Variants in SHROOM3 observed in about 807,000 individuals in gnomAD.
The protein encoded by SHROOM3 is protein Shroom3.
Under a neutral mutation model 138.6 loss-of-function variants are expected in SHROOM3, and 47 were observed. The observed-to-expected ratio is 0.34, with a 90% confidence interval of 0.27 to 0.43. SHROOM3 has a LOEUF of 0.43. Among genes scored for constraint, SHROOM3 ranks in the 20% least tolerant of loss-of-function variants. The pLI is 1.00. For synonymous variants in SHROOM3, 1,062 were observed against 1,063.3 expected, an observed-to-expected ratio of 1.00 and a Z score of 0.02; for missense variants, 2,491 against 2,596.5, an observed-to-expected ratio of 0.96 and a Z score of 0.88.
chr4:76,779,036 G>A lies in SHROOM3; in HGVS notation c.5850G>A (p.Lys1950=), dbSNP rs368225579. The change falls in exon 11 of 11, where the codon AAG becomes AAA. Residue 1950 remains lysine (K), a synonymous_variant. Transcript: ENST00000296043. ...TCAAGCTGGGCCAGGAGCAGGTCAAGTGTCTGCTGGAGAGCCTGCCCTCAG... is the reference window on the plus strand; with the variant it reads ...TCAAGCTGGGCCAGGAGCAGGTCAAATGTCTGCTGGAGAGCCTGCCCTCAG... ...DKIKLGQEQV[K]CLLESLPSDF... is the part of the protein sequence containing the mutation. The A allele has an allele frequency of 9.3e-6, 15 of 1,614,098 alleles. No individual in the cohort carries two copies. Among genetic ancestry groups the A allele is most frequent in the Admixed American group, 3.3e-5 (2 of 60,010 alleles).
At chr4:76,685,658 A>G (rs1719314862) in intron 2 of SHROOM3, among the ~76,000 whole-genome samples, 1 of 152,228 alleles carries the variant, frequency 6.6e-6, no homozygotes, top group Admixed American at 6.5e-5. Context: ...ATAATGGTAG[A>G]CTATTTCTAA....
chr4:76,699,341 C>T lies in SHROOM3; in HGVS notation c.324-10815C>T, dbSNP rs947024574. Among the ~76,000 whole-genome samples the T allele has an allele frequency of 3.3e-5, 5 of 152,228 alleles. 1 individual carries two copies. The highest frequency in any genetic ancestry group is 6.5e-5 in the Admixed American group (1 of 15,292). On this transcript the variant is annotated intron_variant, in intron 2 of 10. Coordinates refer to ENST00000296043, the MANE Select transcript of SHROOM3 (RefSeq NM_020859.4). ...TGTAGGTACGCAGATCATGTTTTCT[C>T]ACTTGGGATTTGCCATGTAGGCCCT...
intron 2 of SHROOM3, among the ~76,000 whole-genome samples, chr4:76,627,896 T>C (rs1735193522): frequency 6.6e-6 from 1 of 152,196 alleles, no homozygotes; most frequent in Admixed American, 6.5e-5. Context: ...GGGCATTGAT[T>C]CCAACTTATA....
intron 1 of SHROOM3, among the ~76,000 whole-genome samples, chr4:76,449,084 G>A (rs573610345): frequency 2.4e-4 from 36 of 152,264 alleles, no homozygotes; most frequent in Non-Finnish European, 4.9e-4. Context: ...TTCTCTGAAT[G>A]AATCAAGCAT....
chr4:76,655,838 T>A (rs1293182668), intron 2 of SHROOM3, among the ~76,000 whole-genome samples: 3 of 152,172 alleles, frequency 2.0e-5, no homozygotes, highest in Admixed American at 2.0e-4. Context: ...TCTCTCAGGA[T>A]CACCTTCCTT....
chr4:76,456,798 C>G (rs188714140), intron 1 of SHROOM3, among the ~76,000 whole-genome samples: 2 of 152,024 alleles, frequency 1.3e-5, no homozygotes, highest in African/African-American at 2.4e-5. Flanking sequence ...GGGCTGAGTC[C>G]GAAAAGAGAG....
intron 7 of SHROOM3, among the ~76,000 whole-genome samples, chr4:76,756,014 T>G (rs1485869455): frequency 6.6e-6 from 1 of 152,220 alleles, no homozygotes; most frequent in African/African-American, 2.4e-5. Context: ...CTCTGGAATC[T>G]AACAGCAACA....
At chr4:76,777,532 C>T (rs1320139358) in intron 10 of SHROOM3, among the ~76,000 whole-genome samples, 6 of 152,096 alleles carry the variant, frequency 3.9e-5, no homozygotes, top group African/African-American at 9.7e-5. Flanking sequence ...AGGATCATAT[C>T]GTTGGCAAAC....
chr4:76,604,319 A>C (rs1315912725), intron 2 of SHROOM3, among the ~76,000 whole-genome samples: 1 of 152,220 alleles, frequency 6.6e-6, no homozygotes, highest in Non-Finnish European at 1.5e-5. Context: ...TATTTATGCC[A>C]AGTTGCTGAC....
intron 1 of SHROOM3, among the ~76,000 whole-genome samples, chr4:76,464,241 A>G (rs1215814367): frequency 6.6e-6 from 1 of 152,206 alleles, no homozygotes; most frequent in Non-Finnish European, 1.5e-5. Flanking sequence ...GATGTGATAC[A>G]TGGAGTCAAA....
At chr4:76,732,114 A>G (rs1720904232) in intron 4 of SHROOM3, among the ~76,000 whole-genome samples, 1 of 152,216 alleles carries the variant, frequency 6.6e-6, no homozygotes, top group Non-Finnish European at 1.5e-5. Context: ...ACAAACTGGA[A>G]TCTATCTTCT....
At chr4:76,750,254 A>G (rs1721575491) in intron 6 of SHROOM3, among the ~76,000 whole-genome samples, 1 of 152,180 alleles carries the variant, frequency 6.6e-6, no homozygotes, top group Admixed American at 6.5e-5. Flanking sequence ...GAGTACTGCT[A>G]AAGAAAATTG....
Position 76,740,331 on chromosome 4 carries a change from G to T in SHROOM3, c.2158G>T (p.Val720Phe). 6.2e-7 allele frequency: 1 copy of T among 1,613,110 alleles called. No individual in the cohort carries two copies. Among genetic ancestry groups the T allele is most frequent in the Non-Finnish European group, 8.5e-7 (1 of 1,180,030 alleles). ...PDLGSHLDRQ[V>F]SYPRPEGRTG... ...CCTCGGGAGCCATCTGGACCGGCAG[G>T]TTTCCTACCCGCGGCCCGAGGGGAG... The change falls in exon 5 of 11, where the codon GTT becomes TTT. Residue 720 changes from valine to phenylalanine, a missense_variant. Around this residue, in one of 4 missense-constraint regions of SHROOM3, gnomAD observed 1,733 missense variants for 1,661.6 expected, o/e 1.04. Coordinates refer to ENST00000296043, the MANE Select transcript of SHROOM3 (RefSeq NM_020859.4). This position sits in a 1 kb window ranked among gnomAD's most constrained non-coding sequence, Gnocchi z 4.0.
chr4:76,695,401 C>A (rs1403298804), intron 2 of SHROOM3, among the ~76,000 whole-genome samples: 1 of 152,098 alleles, frequency 6.6e-6, no homozygotes, highest in Non-Finnish European at 1.5e-5. Context: ...GCAATATTTT[C>A]TTGGTCTCCA....
At position 76,555,698 on chromosome 4, in the gene SHROOM3, C is replaced by T; in HGVS notation, c.258C>T (p.Ser86=). The T allele has an allele frequency of 2.5e-6, 4 of 1,614,068 alleles. No homozygotes were observed. The East Asian group carries it at 6.7e-5, about 27-fold the overall frequency. The stretch of plus-strand genomic sequence containing the variant: ...ACATCAATGAGGTGACTCTGAGCAG[C>T]TCCAGAAAGGAGGCAGTTTCCCTGG... ...VVHINEVTLS[S]SRKEAVSLVK... is the part of the protein sequence containing the mutation. The change falls in exon 2 of 11, where the codon AGC becomes AGT. Residue 86 remains serine (S), a synonymous_variant. Transcript: ENST00000296043.
chr4:76,586,550 T>TA, intron 2 of SHROOM3: 1 of 896,552 alleles, frequency 1.1e-6, no homozygotes, highest in Non-Finnish European at 1.3e-6. Flanking sequence ...ATTGGGAAGG[T>TA]AAACTAAAGA....
At chr4:76,458,837 A>T (rs1432562997) in intron 1 of SHROOM3, among the ~76,000 whole-genome samples, 1 of 152,244 alleles carries the variant, frequency 6.6e-6, no homozygotes, top group African/African-American at 2.4e-5. Context: ...GAGACAAATT[A>T]TAGAGGAATA....
chr4:76,465,204 A>C (rs568776192), intron 1 of SHROOM3, among the ~76,000 whole-genome samples: 1 of 152,220 alleles, frequency 6.6e-6, no homozygotes, highest in African/African-American at 2.4e-5. Context: ...ATGCATACCT[A>C]TTTATTCCAA....
intron 1 of SHROOM3, among the ~76,000 whole-genome samples, chr4:76,476,217 A>G (rs1271359033): frequency 6.6e-6 from 1 of 152,154 alleles, no homozygotes; most frequent in Non-Finnish European, 1.5e-5. Flanking sequence ...TTTTTAGAAT[A>G]ATTTGAAAAC....
Sources: allele counts gnomAD v4.1 joint callset (sites outside exome capture counted in the v4.1 genomes callset), GRCh38; gene constraint gnomAD v4.1.1; regional missense constraint gnomAD v4.1.1; non-coding constraint Gnocchi (gnomAD v3.1); transcripts MANE v1.5; gene names NCBI Gene and HGNC (gene_info 2026-07-23, HGNC 2026-07-21).